Variants in ROR1 observed in about 807,000 individuals in gnomAD.
The protein encoded by ROR1 is ROR family WNT receptor 1, also known as inactive tyrosine-protein kinase transmembrane receptor ROR1.
In ROR1, 19 loss-of-function variants were observed where a neutral mutation model predicts 78.8. That is an observed-to-expected ratio of 0.24 (90% confidence interval 0.17 to 0.35). The LOEUF (loss-of-function observed/expected upper bound fraction) is 0.35, where lower values mean the gene tolerates loss of function less well. Ranked by LOEUF, ROR1 falls within the 10% of genes least tolerant of loss-of-function variation. The pLI is 1.00. For missense variants in ROR1, 917 were observed against 1,177.8 expected (o/e 0.78, Z 3.24); for synonymous variants, 386 against 433.6 (o/e 0.89, Z 1.36).
intron 1 of ROR1, among the ~76,000 whole-genome samples, chr1:63,782,631 A>G (rs975181904): frequency 3.3e-5 from 5 of 150,090 alleles, no homozygotes; most frequent in African/African-American, 5.0e-5. Flanking sequence ...GGTGAGATCA[A>G]TTTAGTGGGT....
intron 2 of ROR1, among the ~76,000 whole-genome samples, chr1:64,013,545 C>G (rs1646494175): frequency 6.6e-6 from 1 of 152,160 alleles, no homozygotes; most frequent in Non-Finnish European, 1.5e-5. Context: ...TGGCTAACCC[C>G]TCTTTTACTT....
chr1:63,804,689 T>C (rs1644817441), intron 1 of ROR1, among the ~76,000 whole-genome samples: 1 of 152,196 alleles, frequency 6.6e-6, no homozygotes, highest in Admixed American at 6.5e-5. Context: ...GTTTGTTACA[T>C]AGGTATACAT....
Position 63,779,127 on chromosome 1 carries a change from G to C in ROR1, c.91+4619G>C, listed in dbSNP as rs115252086. Among the ~76,000 whole-genome samples, 594 of 152,298 alleles carry C rather than the reference G, an allele frequency of 3.9e-3. 6 individuals are homozygous for C. Among genetic ancestry groups the C allele is most frequent in the African/African-American group, 0.013 (560 of 41,558 alleles). On this transcript the variant is annotated intron_variant, in intron 1 of 8. Coordinates refer to ENST00000371079, the MANE Select transcript of ROR1 (RefSeq NM_005012.4). Reference sequence around the variant, plus strand: ...ACCTTGTTGGATGGCCTGGATCTCTGGTTCTGGAAGAATTACATTTTTGTA... The same window carrying C: ...ACCTTGTTGGATGGCCTGGATCTCTCGTTCTGGAAGAATTACATTTTTGTA...
intron 4 of ROR1, chr1:64,113,707 G>C (rs746356252): frequency 6.6e-6 from 1 of 151,034 alleles, no homozygotes; most frequent in Non-Finnish European, 1.5e-5. Context: ...TGGCTTCAAA[G>C]ACCCTCATTT....
intron 1 of ROR1, among the ~76,000 whole-genome samples, chr1:63,783,371 G>A (rs1258926522): frequency 6.6e-6 from 1 of 152,134 alleles, no homozygotes; most frequent in Non-Finnish European, 1.5e-5. Flanking sequence ...TTCTCTTATA[G>A]TGCAGGCTAC....
intron 1 of ROR1, among the ~76,000 whole-genome samples, chr1:63,946,591 T>G (rs1486885818): frequency 1.3e-5 from 2 of 152,222 alleles, no homozygotes; most frequent in Non-Finnish European, 2.9e-5. Context: ...TAAGGCAATC[T>G]TTGAAGAAAG....
intron 1 of ROR1, among the ~76,000 whole-genome samples, chr1:63,942,063 G>T (rs1645845383): frequency 6.6e-6 from 1 of 152,196 alleles, no homozygotes; most frequent in Non-Finnish European, 1.5e-5. Context: ...GAGCCCTCCA[G>T]TGAAACCTTT....
chr1:63,824,253 A>G (rs1253513696), intron 1 of ROR1, among the ~76,000 whole-genome samples: 1 of 152,192 alleles, frequency 6.6e-6, no homozygotes, highest in Non-Finnish European at 1.5e-5. Context: ...CAGGCTTTGC[A>G]GGCCATATAG....
intron 1 of ROR1, among the ~76,000 whole-genome samples, chr1:63,969,577 A>G (rs760185428): frequency 3.9e-5 from 6 of 151,986 alleles, no homozygotes; most frequent in African/African-American, 1.2e-4. Context: ...TTCCCTGCAA[A>G]CTGGCTTCTC....
intron 1 of ROR1, among the ~76,000 whole-genome samples, chr1:63,904,536 C>T (rs371064943): frequency 6.6e-6 from 1 of 152,162 alleles, no homozygotes; most frequent in East Asian, 1.9e-4. Context: ...AACTTTAAAC[C>T]AGCCTGTTAT....
At chr1:63,815,481 T>TTC (rs1183217793) in intron 1 of ROR1, among the ~76,000 whole-genome samples, 1 of 140,540 alleles carries the variant, frequency 7.1e-6, no homozygotes, top group African/African-American at 3.1e-5. Context: ...TTCTTTTCTT[T>TTC]TTCTTTTTTT....
intron 1 of ROR1, among the ~76,000 whole-genome samples, chr1:63,903,300 G>A (rs1377366532): frequency 6.6e-6 from 1 of 152,160 alleles, no homozygotes; most frequent in East Asian, 1.9e-4. Flanking sequence ...CCTAGGTTCA[G>A]ATTAAAGTAT....
chr1:64,127,490 GTCTCTC>G (rs963357905), intron 4 of ROR1, among the ~76,000 whole-genome samples: 1 of 141,892 alleles, frequency 7.0e-6, no homozygotes, highest in Non-Finnish European at 1.5e-5. Context: ...TCCTCTCTCT[GTCTCTC>G]TCTCTCTCTG....
intron 2 of ROR1, among the ~76,000 whole-genome samples, chr1:64,020,270 A>G (rs1646554313): frequency 6.6e-6 from 1 of 152,230 alleles, no homozygotes; most frequent in African/African-American, 2.4e-5. Flanking sequence ...CAGTGAACCC[A>G]GAATTCAAAC....
intron 1 of ROR1, among the ~76,000 whole-genome samples, chr1:63,893,239 A>G (rs574157356): frequency 1.3e-5 from 2 of 152,206 alleles, no homozygotes; most frequent in Admixed American, 1.3e-4. Flanking sequence ...GTGAAACCTC[A>G]GACTCCTGTG....
At chr1:63,871,882 CA>C (rs1453646329) in intron 1 of ROR1, among the ~76,000 whole-genome samples, 3 of 152,132 alleles carry the variant, frequency 2.0e-5, no homozygotes, top group African/African-American at 7.2e-5. Flanking sequence ...TGTATTAAGT[CA>C]TTATAGTTTT....
intron 1 of ROR1, among the ~76,000 whole-genome samples, chr1:63,932,313 G>C (rs79501361): frequency 1.2e-3 from 181 of 152,170 alleles, no homozygotes; most frequent in African/African-American, 4.3e-3. Flanking sequence ...AGAGGAAGTG[G>C]GTTGATGGAG....
intron 4 of ROR1, among the ~76,000 whole-genome samples, chr1:64,093,568 C>A (rs533454394): frequency 6.6e-6 from 1 of 152,124 alleles, no homozygotes; most frequent in East Asian, 1.9e-4. Context: ...TATCCTCCCC[C>A]CATACTACCT....
chr1:63,940,498 C>CAGACAGATAGATAGATAGATAGAT (rs1230477303), intron 1 of ROR1, among the ~76,000 whole-genome samples: 4 of 75,214 alleles, frequency 5.3e-5, no homozygotes, highest in African/African-American at 1.2e-4. Context: ...GATAGACAGA[C>CAGACAGATAGATAGATAGATAGAT]AGATAGATAG....
Sources: allele counts gnomAD v4.1 joint callset (sites outside exome capture counted in the v4.1 genomes callset), GRCh38; gene constraint gnomAD v4.1.1; transcripts MANE v1.5; gene names NCBI Gene and HGNC (gene_info 2026-07-23, HGNC 2026-07-21).